Variants in KCNH4 observed in about 807,000 individuals in gnomAD.
The protein encoded by KCNH4 is voltage-gated delayed rectifier potassium channel KCNH4.
Under a neutral mutation model 90.7 loss-of-function variants are expected in KCNH4, and 33 were observed. The observed-to-expected ratio is 0.36, with a 90% CI of 0.28 to 0.49. The LOEUF (loss-of-function observed/expected upper bound fraction) is 0.49, where lower values mean the gene tolerates loss of function less well. KCNH4 is among the 20% of genes least tolerant of loss of function. The pLI, the probability that KCNH4 is intolerant of heterozygous loss-of-function variation, is 0.98. For missense variants in KCNH4, 1,044 were observed against 1,387.1 expected (o/e 0.75, Z 3.93); for synonymous variants, 551 against 581.7 (o/e 0.95, Z 0.76).
chr17:42,174,553 A>G (rs1450347559), intron 6 of KCNH4, among the ~76,000 whole-genome samples: 5 of 152,100 alleles, frequency 3.3e-5, no homozygotes, highest in African/African-American at 1.2e-4. Context: ...CAGCCAGGAG[A>G]GGAGGCCCAC....
chr17:42,161,789 A>G (rs1456646354), intron 15 of KCNH4, among the ~76,000 whole-genome samples: 2 of 152,012 alleles, frequency 1.3e-5, no homozygotes, highest in Admixed American at 6.6e-5. Flanking sequence ...GCACATATGC[A>G]CTCTCATTTC....
Position 42,163,826 on chromosome 17 carries a change from G to A in KCNH4, c.2257C>T (p.Arg753Trp), listed in dbSNP as rs774549072. 6.6e-6 allele frequency: 10 copies of A among 1,519,060 alleles called. No homozygotes were observed. Among genetic ancestry groups the A allele is most frequent in the South Asian group, 1.3e-5 (1 of 79,112 alleles). The allele number at this position is 1,519,060 out of a possible 1,614,324, so 94.1% of individuals were successfully genotyped here. ...AGGCTGACCAGGGAGCCCCGAGGCC[G>A]TGCTGGGCTGAGGTTGGGCAGCAGG... ...PLLLPNLSPA[R>W]PRGSLVSLLG... Residue 753 changes from arginine (R) to tryptophan (W), a missense_variant, in exon 13 of 17, where the codon CGG becomes TGG. By Grantham distance (101) the Arg-to-Trp change is moderately radical (BLOSUM62 -3). Coordinates refer to ENST00000264661, the MANE Select transcript of KCNH4 (RefSeq NM_012285.3). This position sits in a 1 kb window ranked among gnomAD's most constrained non-coding sequence, Gnocchi z 5.4.
At chr17:42,160,457 G>T (rs1406014584) in intron 15 of KCNH4, 22 bp from the exon 16 acceptor site, 7 of 1,555,790 alleles carry the variant, frequency 4.5e-6, no homozygotes, top group Non-Finnish European at 6.1e-6. Flanking sequence ...ACATCGAGTT[G>T]TTTCACAGGT....
rs762507606 is a variant in KCNH4 at position 42,176,253 on chromosome 17, G to A, written c.630C>T (p.Ala210=). ...GGAGGCAGCGAGACCCCCCCACGGA[G>A]GCCACCTTGTACTCGGGCACTGATG... The part of the protein sequence containing the change: ...PKPSVPEYKV[A]SVGGSRCLLL... Residue 210 remains alanine, a synonymous_variant, in exon 5 of 17, where the codon GCC becomes GCT. Coordinates refer to ENST00000264661, the MANE Select transcript of KCNH4 (RefSeq NM_012285.3). 5.0e-6 allele frequency: 8 copies of A among 1,613,824 alleles called. No individual in the cohort carries two copies. The highest frequency in any genetic ancestry group is 2.2e-5 in the East Asian group (1 of 44,870).
rs1344295975 is a variant in KCNH4 at position 42,180,099 on chromosome 17, G to A, written c.76+771C>T. On this transcript the variant is annotated intron_variant, in intron 1 of 16. Coordinates refer to ENST00000264661, the MANE Select transcript of KCNH4 (RefSeq NM_012285.3). The surrounding 1 kb of genome is among the most constrained non-coding windows in gnomAD (Gnocchi z 4.7). ...CGGTGATGGGCGCTATGGAAACAAG[G>A]TGGTGGGGAAGAGGGTAGGGCCCGG... Among the ~76,000 whole-genome samples the A allele has an allele frequency of 2.0e-5, 3 of 152,232 alleles. No homozygotes were observed. The highest frequency in any genetic ancestry group is 1.3e-4 in the Admixed American group (2 of 15,290).
intron 6 of KCNH4, among the ~76,000 whole-genome samples, chr17:42,173,217 T>A (rs1387850505): frequency 6.6e-6 from 1 of 152,010 alleles, no homozygotes; most frequent in Non-Finnish European, 1.5e-5. Context: ...GAACTTGGTA[T>A]GAAAGCCCCT....
intron 4 of KCNH4, 39 bp from the exon 5 acceptor site, chr17:42,176,336 A>T (rs1261906388): frequency 6.3e-7 from 1 of 1,580,386 alleles, no homozygotes; most frequent in South Asian, 1.1e-5. Context: ...CACTTGAGGG[A>T]AAGAGGAGCC....
chr17:42,180,733 G>T lies in KCNH4; in HGVS notation c.76+137C>A. On this transcript the variant is annotated intron_variant, in intron 1 of 16. Transcript: ENST00000264661. The surrounding 1 kb of genome is among the most constrained non-coding windows in gnomAD (Gnocchi z 4.7). ...CTCCCCGCCCTGTTCCTGCACCGCG[G>T]CTTTGGGAGTTCCTAGACCCGCACC... 2 of 870,944 alleles carry T rather than the reference G, an allele frequency of 2.3e-6. No homozygotes were observed. The highest frequency in any genetic ancestry group is 3.7e-6 in the Non-Finnish European group (2 of 540,274). 54.0% of individuals were successfully genotyped at this position (870,944 alleles called of 1,614,324 possible).
chr17:42,171,941 G>T lies in KCNH4; in HGVS notation c.1042C>A (p.Leu348Met). 6.3e-7 allele frequency: 1 copy of T among 1,588,492 alleles called. No individual in the cohort carries two copies. The highest frequency in any genetic ancestry group is 8.5e-7 in the Non-Finnish European group (1 of 1,169,710). ...TVRLLRLLRL[L>M]QKLERYSQCS... ...TGAGAGTACCGCTCCAGCTTCTGCAGCAGCCGCAGCAGCCGCAACAGCCGC... is the reference window on the plus strand; with the variant it reads ...TGAGAGTACCGCTCCAGCTTCTGCATCAGCCGCAGCAGCCGCAACAGCCGC... The change falls in exon 7 of 17, where the codon CTG (leucine) becomes ATG (methionine). Residue 348 changes from leucine to methionine, a missense_variant. Leu to Met is a conservative substitution (Grantham distance 15). This residue lies in a region of KCNH4 where 318 missense variants were observed against 479.6 expected (regional missense o/e 0.66). Transcript: ENST00000264661.
At position 42,178,471 on chromosome 17, in the gene KCNH4, G is replaced by A. The variant is rs367737130; in HGVS notation, c.317C>T (p.Ala106Val). 27 of 1,614,062 alleles carry A rather than the reference G, an allele frequency of 1.7e-5. No homozygotes were observed. The highest frequency in any genetic ancestry group is 2.7e-5 in the African/African-American group (2 of 74,950). Residue 106 changes from alanine to valine, a missense_variant, in exon 3 of 17, where the codon GCC (alanine) becomes GTC (valine). Transcript: ENST00000264661. ...EICFYRKDGS[A>V]FWCLLDMMPI... The stretch of plus-strand genomic sequence containing the variant: ...CATCATGTCCAGGAGGCACCAAAAG[G>A]CTGAGCCTGTAGGCATGGAGAGAGG...
Position 42,163,119 on chromosome 17 carries a change from A to ACAGAGGTGTCTCCCTGC in KCNH4, c.2584+108_2584+109insGCAGGGAGACACCTCTG. ...TGGGCCAGGTCTGTTTTATCTGTGT[A>ACAGAGGTGTCTCCCTGC]TTCCCAGGATGGCACCTGGCACATG... is the stretch of plus-strand genomic sequence containing the variant. On this transcript the variant is annotated intron_variant, in intron 14 of 16. Coordinates refer to ENST00000264661, the MANE Select transcript of KCNH4 (RefSeq NM_012285.3). This position sits in a 1 kb window ranked among gnomAD's most constrained non-coding sequence, Gnocchi z 5.4. The ACAGAGGTGTCTCCCTGC allele has an allele frequency of 1.3e-6, 1 of 776,576 alleles. No homozygotes were observed. Among genetic ancestry groups the ACAGAGGTGTCTCCCTGC allele is most frequent in the South Asian group, 1.5e-5 (1 of 66,562 alleles). The allele number at this position is 776,576 out of a possible 1,614,324, so 48.1% of individuals were successfully genotyped here.
At position 42,162,290 on chromosome 17, in the gene KCNH4, C is replaced by T; in HGVS notation, c.2616G>A (p.Glu872=). The change falls in exon 15 of 17, where the codon GAG becomes GAA. Residue 872 remains glutamate, a synonymous_variant. Coordinates refer to ENST00000264661, the MANE Select transcript of KCNH4 (RefSeq NM_012285.3). ...GTRPSPELAS[E]AEEVKEKVCR... is the part of the protein sequence containing the mutation. ...AAACCTTTTCCTTCACCTCCTCAGCCTCACTGGCCAATTCTGGGCTGGGCC... is the reference window on the plus strand; with the variant it reads ...AAACCTTTTCCTTCACCTCCTCAGCTTCACTGGCCAATTCTGGGCTGGGCC... 2 of 1,613,992 alleles carry T rather than the reference C, an allele frequency of 1.2e-6. No individual in the cohort carries two copies. The highest frequency in any genetic ancestry group is 1.7e-6 in the Non-Finnish European group (2 of 1,179,930).
At position 42,171,960 on chromosome 17, in the gene KCNH4, C is replaced by G; in HGVS notation, c.1023G>C (p.Leu341=). 1 of 1,610,856 alleles carries G rather than the reference C, an allele frequency of 6.2e-7. No individual in the cohort carries two copies. The highest frequency in any genetic ancestry group is 8.5e-7 in the Non-Finnish European group (1 of 1,178,908). ...TCTGCAGCAGCCGCAGCAGCCGCAACAGCCGCACTGTCTTCAGTAGGTGCA... is the reference window on the plus strand; with the variant it reads ...TCTGCAGCAGCCGCAGCAGCCGCAAGAGCCGCACTGTCTTCAGTAGGTGCA... ...SLVHLLKTVR[L]LRLLRLLQKL... The change falls in exon 7 of 17, where the codon CTG becomes CTC. Residue 341 remains leucine (L), a synonymous_variant. Transcript: ENST00000264661.
At position 42,165,487 on chromosome 17, in the gene KCNH4, C is replaced by T; in HGVS notation, c.2047G>A (p.Asp683Asn). Reference sequence around the variant, plus strand: ...CCCTGGCGCAGGTTGAAGGTGAGGTCCCGGGGCAGGCCAGCCCGGAAGGCA... The same window carrying T: ...CCCTGGCGCAGGTTGAAGGTGAGGTTCCGGGGCAGGCCAGCCCGGAAGGCA... ...GAAFRAGLPR[D>N]LTFNLRQGSD... The change falls in exon 11 of 17, where the codon GAC (aspartate) becomes AAC (asparagine). Residue 683 changes from aspartate to asparagine, a missense_variant. Around this residue, in one of 4 missense-constraint regions of KCNH4, gnomAD observed 441 missense variants for 512.3 expected, o/e 0.86. Transcript: ENST00000264661. The T allele has an allele frequency of 6.2e-7, 1 of 1,614,102 alleles. No homozygotes were observed. Among genetic ancestry groups the T allele is most frequent in the Non-Finnish European group, 8.5e-7 (1 of 1,180,010 alleles).
chr17:42,158,747 A>G (rs1332007364), intron 16 of KCNH4, among the ~76,000 whole-genome samples: 1 of 150,732 alleles, frequency 6.6e-6, no homozygotes, highest in Non-Finnish European at 1.5e-5. Flanking sequence ...AGGCAGGAGA[A>G]TGGCATGAAC....
intron 14 of KCNH4, 51 bp from the exon 15 acceptor site, chr17:42,162,372 C>CCAAGTTATAGGCTCAGG: frequency 6.6e-7 from 1 of 1,522,600 alleles, no homozygotes; most frequent in Non-Finnish European, 9.1e-7. Flanking sequence ...ATACCTGAGC[C>CCAAGTTATAGGCTCAGG]TATAACTTGG....
intron 14 of KCNH4, among the ~76,000 whole-genome samples, chr17:42,162,670 G>A (rs1370751370): frequency 6.6e-6 from 1 of 151,622 alleles, no homozygotes; most frequent in Non-Finnish European, 1.5e-5. Context: ...TCAGCTCACT[G>A]CAACCTCTGT....
In KCNH4 at chr17:42,158,268, T is replaced by G. The variant is rs1472023356; in HGVS notation, c.*310-1150A>C. Among the ~76,000 whole-genome samples the G allele has an allele frequency of 6.1e-5, 9 of 147,556 alleles. No homozygotes were observed. The East Asian group carries it at 6.6e-4, about 11-fold the overall frequency. On this transcript the variant is annotated intron_variant, in intron 16 of 16. Transcript: ENST00000264661. ...TGAAAAATATTTTGAAAAATATTTT[T>G]CAAAATAATCCCAGCACTTTGGGAG...
At chr17:42,175,926 G>A (rs2079857316) in intron 5 of KCNH4, 128 bp downstream of exon 5, 3 of 1,270,496 alleles carry the variant, frequency 2.4e-6, no homozygotes, top group African/African-American at 3.0e-5. Context: ...TGGGCCATTG[G>A]GACTTAAAGA....
Sources: allele counts gnomAD v4.1 joint callset (sites outside exome capture counted in the v4.1 genomes callset), GRCh38; gene constraint gnomAD v4.1.1; regional missense constraint gnomAD v4.1.1; non-coding constraint Gnocchi (gnomAD v3.1); transcripts MANE v1.5; gene names NCBI Gene and HGNC (gene_info 2026-07-23, HGNC 2026-07-21).